The following CCDC50 variants were observed in gnomAD, a reference collection of about 807,000 sequenced individuals.
The protein encoded by CCDC50 is coiled-coil domain-containing protein 50.
Under a neutral mutation model 70.2 loss-of-function variants are expected in CCDC50, and 54 were observed. The ratio of observed to expected loss-of-function variants is 0.77; its 90% confidence interval spans 0.62 to 0.96. CCDC50 has a LOEUF of 0.96. CCDC50 is among the 50% of genes least tolerant of loss of function. The pLI is 0.00. For synonymous variants in CCDC50, 216 were observed against 198.8 expected, an observed-to-expected ratio of 1.09 and a Z score of -0.73; for missense variants, 558 against 578.7, an observed-to-expected ratio of 0.96 and a Z score of 0.37.
chr3:191,370,066 A>C (rs756934879), intron 5 of CCDC50, 30 bp downstream of exon 5: 1 of 1,427,928 alleles, frequency 7.0e-7, no homozygotes, highest in East Asian at 2.3e-5. Context: ...GATCTATTCT[A>C]TCCTTAGACT....
rs528501685 is a variant in CCDC50, at chr3:191,389,596, C to T, written c.1423C>T (p.His475Tyr). 5.0e-6 allele frequency: 8 copies of T among 1,610,556 alleles called. No homozygotes were observed. The South Asian group carries it at 8.8e-5, about 18-fold the overall frequency. Residue 475 changes from histidine (H) to tyrosine (Y), a missense_variant, in exon 11 of 12, where the codon CAT becomes TAT. Physicochemically the swap from His to Tyr is moderately conservative, Grantham distance 83. Coordinates refer to ENST00000392455, the MANE Select transcript of CCDC50 (RefSeq NM_178335.3). ...GCATTTCTCAAAATCAGAGTCCTCTCATAAAGGTAAGAAGAGTATGTATGG... is the reference window on the plus strand; with the variant it reads ...GCATTTCTCAAAATCAGAGTCCTCTTATAAAGGTAAGAAGAGTATGTATGG... ...TRHFSKSESS[H>Y]KGFHYKH
intron 1 of CCDC50, among the ~76,000 whole-genome samples, chr3:191,338,460 G>A (rs755381556): frequency 3.1e-4 from 47 of 152,094 alleles, no homozygotes; most frequent in Non-Finnish European, 6.0e-4. Flanking sequence ...TTAATATCTG[G>A]GCCGGTAGCT....
rs1712113331 is a variant in CCDC50, at chr3:191,351,729, C to T, written c.50-5359C>T. ...GTGGGGTGGTAAATCACCAGATTTT[C>T]TTTGGTACATTTCAGGTAAGTTGTA... On this transcript the variant is annotated intron_variant, in intron 1 of 11. Transcript: ENST00000392455. 3.5e-5 allele frequency among the ~76,000 whole-genome samples: 5 copies of T among 140,936 alleles called. No individual in the cohort carries two copies. The South Asian group carries it at 1.1e-3, about 31-fold the overall frequency. The allele number at this position is 140,936 out of a possible 152,430, so 92.5% of individuals were successfully genotyped here. A position where few individuals can be genotyped will look rare whatever the true frequency, so the allele number is the denominator to read the frequency against.
At chr3:191,378,735 T>TA (rs2108665896) in intron 6 of CCDC50, among the ~76,000 whole-genome samples, 1 of 151,670 alleles carries the variant, frequency 6.6e-6, no homozygotes, top group East Asian at 1.9e-4. Context: ...GCCACTGTTT[T>TA]TTTGTTTGTT....
intron 1 of CCDC50, among the ~76,000 whole-genome samples, chr3:191,343,375 T>C (rs574902306): frequency 7.9e-5 from 12 of 152,358 alleles, no homozygotes; most frequent in African/African-American, 2.9e-4. Context: ...GCAATAAATA[T>C]TCACTGAATA....
chr3:191,391,458 A>T (rs1419410394), intron 11 of CCDC50, among the ~76,000 whole-genome samples: 1 of 152,180 alleles, frequency 6.6e-6, no homozygotes, highest in African/African-American at 2.4e-5. Flanking sequence ...AACTTCCATC[A>T]GTTGGTGGCA....
rs768149984 is a variant in CCDC50 at position 191,358,014 on chromosome 3, A to T, written c.129A>T (p.Ala43=). The change falls in exon 3 of 12, where the codon GCA becomes GCT. Residue 43 remains alanine (A), a synonymous_variant. Transcript: ENST00000392455. ...TTGTTCCAGTTGAGCATCATTTGGC[A>T]TCGAACGTTCAGCGGAACCGTTTGG... ...LQEQEIEHHL[A]SNVQRNRLVQ... is the part of the protein sequence containing the mutation. The T allele has an allele frequency of 2.5e-6, 4 of 1,614,016 alleles. No homozygotes were observed. In the South Asian group the frequency reaches 4.4e-5, roughly 18 times the overall value.
rs1260207759 is a variant in CCDC50 at position 191,358,056 on chromosome 3, G to C, written c.171G>C (p.Gln57His). The C allele has an allele frequency of 1.9e-6, 3 of 1,614,068 alleles. No homozygotes were observed. The highest frequency in any genetic ancestry group is 2.5e-6 in the Non-Finnish European group (3 of 1,179,942). Residue 57 changes from glutamine (Q) to histidine (H), a missense_variant, in exon 3 of 12, where the codon CAG (glutamine) becomes CAC (histidine). Physicochemically the swap from Gln to His is conservative, Grantham distance 24. Coordinates refer to ENST00000392455, the MANE Select transcript of CCDC50 (RefSeq NM_178335.3). ...ACCGTTTGGTCCAGCATGATCTCCA[G>C]GTGGCTAAGCAGCTCCAAGAGGAAG... is the stretch of plus-strand genomic sequence containing the variant. The part of the protein sequence containing the change: ...QRNRLVQHDL[Q>H]VAKQLQEEDL...
In CCDC50 at chr3:191,380,951, G is replaced by T; in HGVS notation, c.1242+19G>T. The T allele has an allele frequency of 1.3e-6, 2 of 1,589,402 alleles. No homozygotes were observed. Among genetic ancestry groups the T allele is most frequent in the Non-Finnish European group, 1.7e-6 (2 of 1,162,368 alleles). ...GTGGAAGGTAGAGTGTGTTTTGTTT[G>T]TTTTCTAATTAGAAATAAAATTAGA... On this transcript the variant is annotated intron_variant, in intron 9 of 11. Transcript: ENST00000392455.
intron 1 of CCDC50, among the ~76,000 whole-genome samples, chr3:191,354,551 G>A (rs536490566): frequency 1.6e-4 from 24 of 152,222 alleles, no homozygotes; most frequent in South Asian, 8.3e-4. Flanking sequence ...TATTTTTGGC[G>A]TAACGTTCTG....
At chr3:191,334,094 C>G (rs1020201093) in intron 1 of CCDC50, among the ~76,000 whole-genome samples, 1 of 152,032 alleles carries the variant, frequency 6.6e-6, no homozygotes, top group Admixed American at 6.5e-5. Context: ...AAAGCAATAT[C>G]ACTCAATTTG....
chr3:191,345,819 G>C (rs1409984307), intron 1 of CCDC50, among the ~76,000 whole-genome samples: 1 of 152,168 alleles, frequency 6.6e-6, no homozygotes, highest in Non-Finnish European at 1.5e-5. Flanking sequence ...TTACTTTTCA[G>C]AATGATTCTT....
Position 191,395,489 on chromosome 3 carries a change from C to G in CCDC50, c.*3729C>G, listed in dbSNP as rs944930627. On this transcript the variant is annotated 3_prime_UTR_variant, in exon 12 of 12. Transcript: ENST00000392455. The stretch of plus-strand genomic sequence containing the variant: ...GTATAAGCATCGCTTTGGGGAATAC[C>G]AAGATGATTCATTATTCAGTGATTA... 6 of 152,190 alleles carry G rather than the reference C, an allele frequency of 3.9e-5. No individual in the cohort carries two copies. Among genetic ancestry groups the G allele is most frequent in the Admixed American group, 1.3e-4 (2 of 15,272 alleles). The allele number at this position is 152,190 out of a possible 1,614,324, so 9.4% of individuals were successfully genotyped here.
In CCDC50 at chr3:191,340,081, C is replaced by T. The variant is rs181792883; in HGVS notation, c.49+10358C>T. ...CCAAAAGACAAATGTCTATCACTTA[C>T]ACTAAATCAACTACATTTCATTCTA... On this transcript the variant is annotated intron_variant, in intron 1 of 11. Transcript: ENST00000392455. Among the ~76,000 whole-genome samples the T allele has an allele frequency of 1.1e-4, 17 of 152,282 alleles. No individual in the cohort carries two copies. The East Asian group carries it at 2.7e-3, about 24-fold the overall frequency.
intron 6 of CCDC50, among the ~76,000 whole-genome samples, chr3:191,377,557 G>A (rs1039904891): frequency 6.6e-6 from 1 of 151,740 alleles, no homozygotes; most frequent in African/African-American, 2.4e-5. Flanking sequence ...AAACTCACAG[G>A]GCCATAAAAT....
chr3:191,348,089 G>A lies in CCDC50; in HGVS notation c.50-8999G>A, dbSNP rs115264023. Reference sequence around the variant, plus strand: ...GCTACAGTTCTATCCTGTAAACTACGTGCTATGAAAGCACTGAAAGAAAAT... The same window carrying A: ...GCTACAGTTCTATCCTGTAAACTACATGCTATGAAAGCACTGAAAGAAAAT... On this transcript the variant is annotated intron_variant, in intron 1 of 11. Coordinates refer to ENST00000392455, the MANE Select transcript of CCDC50 (RefSeq NM_178335.3). Among the ~76,000 whole-genome samples, 162 of 142,246 alleles carry A rather than the reference G, an allele frequency of 1.1e-3. 15 individuals carry two copies. Among genetic ancestry groups the A allele is most frequent in the African/African-American group, 3.9e-3 (157 of 39,920 alleles). The allele number at this position is 142,246 out of a possible 152,430, so 93.3% of individuals were successfully genotyped here.
At chr3:191,374,080 C>T (rs1458519612) in intron 5 of CCDC50, among the ~76,000 whole-genome samples, 2 of 151,972 alleles carry the variant, frequency 1.3e-5, no homozygotes, top group African/African-American at 4.8e-5. Context: ...TGGGATTTTT[C>T]GTTGTTATTT....
chr3:191,340,669 CT>C (rs1353345143), intron 1 of CCDC50, among the ~76,000 whole-genome samples: 1 of 152,142 alleles, frequency 6.6e-6, no homozygotes, highest in Non-Finnish European at 1.5e-5. Flanking sequence ...AGTGGCGGAG[CT>C]TATTAAACAT....
At chr3:191,360,012 T>C (rs1712426925) in intron 3 of CCDC50, among the ~76,000 whole-genome samples, 1 of 152,188 alleles carries the variant, frequency 6.6e-6, no homozygotes, top group Non-Finnish European at 1.5e-5. Context: ...GTTTTGAAAT[T>C]GTTCCTGGAT....
Sources: gnomAD v4.1 joint callset for allele counts (sites outside exome capture counted in the v4.1 genomes callset) on GRCh38, gnomAD v4.1.1 for gene constraint, MANE v1.5 for transcripts, NCBI Gene and HGNC (gene_info 2026-07-23, HGNC 2026-07-21) for gene names.